Variants in FGD4 observed in about 807,000 individuals in gnomAD.
FGD4 encodes the protein FYVE, RhoGEF and PH domain containing 4, also known as FYVE, RhoGEF and PH domain-containing protein 4.
FGD4 carries 42 observed loss-of-function variants against 102.0 expected under a neutral mutation model. The observed-to-expected ratio is 0.41, with a 90% CI of 0.32 to 0.53. FGD4 has a LOEUF of 0.53. Among genes scored for constraint, FGD4 ranks in the 20% least tolerant of loss-of-function variants. The probability of loss-of-function intolerance (pLI) is 0.21; values close to 1 mark genes in which losing one functional copy is unlikely to be tolerated. For synonymous variants in FGD4, 380 were observed against 375.7 expected, an observed-to-expected ratio of 1.01 and a Z score of -0.13; for missense variants, 902 against 1,078.2, an observed-to-expected ratio of 0.84 and a Z score of 2.29.
intron 1 of FGD4, among the ~76,000 whole-genome samples, chr12:32,530,944 T>G (rs1437126232): frequency 1.8e-5 from 2 of 110,510 alleles, no homozygotes; most frequent in East Asian, 5.1e-4. Context: ...AGCTTTGGTT[T>G]TTTTTTTTTT....
At chr12:32,453,233 ATATATTTTTTT>A (rs1942855913) in intron 1 of FGD4, among the ~76,000 whole-genome samples, 1 of 62,060 alleles carries the variant, frequency 1.6e-5, no homozygotes, top group Non-Finnish European at 3.1e-5. Context: ...ATAGATATAT[ATATATTTTTTT>A]TTTTTTAAAT....
chr12:32,448,827 A>C (rs1352868798), intron 1 of FGD4, among the ~76,000 whole-genome samples: 2 of 152,156 alleles, frequency 1.3e-5, no homozygotes, highest in Non-Finnish European at 2.9e-5. Context: ...GAGGGAGTGC[A>C]AGGTAAAACT....
chr12:32,620,720 C>T (rs1292670659), intron 11 of FGD4, among the ~76,000 whole-genome samples: 2 of 104,552 alleles, frequency 1.9e-5, no homozygotes, highest in South Asian at 5.9e-4. Context: ...TTTTTTGAGA[C>T]GGAGTCTCGC....
chr12:32,507,067 T>G (rs1938834319), intron 1 of FGD4, among the ~76,000 whole-genome samples: 1 of 145,610 alleles, frequency 6.9e-6, no homozygotes, highest in African/African-American at 2.5e-5. Flanking sequence ...CTCCTAAAGC[T>G]ATCCCTCCCC....
chr12:32,471,584 T>C (rs1943415971), intron 1 of FGD4, among the ~76,000 whole-genome samples: 1 of 152,350 alleles, frequency 6.6e-6, no homozygotes, highest in East Asian at 1.9e-4. Flanking sequence ...TATTGCAGTG[T>C]AATAAACTAC....
chr12:32,536,281 A>G (rs1942251557), intron 1 of FGD4, among the ~76,000 whole-genome samples: 1 of 152,238 alleles, frequency 6.6e-6, no homozygotes, highest in South Asian at 2.1e-4. Flanking sequence ...CCTAAACTGC[A>G]AACTAGGATT....
chr12:32,453,450 T>C (rs1942866767), intron 1 of FGD4, among the ~76,000 whole-genome samples: 1 of 151,722 alleles, frequency 6.6e-6, no homozygotes, highest in Non-Finnish European at 1.5e-5. Context: ...GCCAGACTGG[T>C]GTCGAACTCC....
At chr12:32,540,667 G>A (rs1457799816) in intron 1 of FGD4, among the ~76,000 whole-genome samples, 1 of 151,480 alleles carries the variant, frequency 6.6e-6, no homozygotes, top group Non-Finnish European at 1.5e-5. Context: ...CCAGGTTCAA[G>A]CAATTCTCCT....
chr12:32,436,024 G>A (rs913341296), intron 1 of FGD4, among the ~76,000 whole-genome samples: 2 of 152,156 alleles, frequency 1.3e-5, no homozygotes, highest in East Asian at 1.9e-4. Context: ...TCAACGGAAG[G>A]ACATATCTGC....
intron 1 of FGD4, among the ~76,000 whole-genome samples, chr12:32,431,664 T>G (rs1942049739): frequency 6.6e-6 from 1 of 151,992 alleles, no homozygotes; most frequent in Non-Finnish European, 1.5e-5. Context: ...ATCCTGGCAC[T>G]TGGGAGGCTG....
intron 14 of FGD4, among the ~76,000 whole-genome samples, chr12:32,630,283 T>C (rs1430964339): frequency 1.3e-5 from 2 of 152,212 alleles, no homozygotes; most frequent in Non-Finnish European, 2.9e-5. Context: ...AGTATCTACC[T>C]AGACTGTCAT....
chr12:32,474,081 C>CT (rs1181877027), intron 1 of FGD4, among the ~76,000 whole-genome samples: 3 of 149,468 alleles, frequency 2.0e-5, no homozygotes, highest in South Asian at 4.3e-4. Context: ...GTGCGAGACT[C>CT]TGTCTCAAAA....
At chr12:32,481,591 G>A (rs1197969115) in intron 1 of FGD4, among the ~76,000 whole-genome samples, 1 of 152,202 alleles carries the variant, frequency 6.6e-6, no homozygotes, top group Non-Finnish European at 1.5e-5. Context: ...GGGAAGCTGA[G>A]GCGGGTGGAT....
intron 7 of FGD4, among the ~76,000 whole-genome samples, chr12:32,604,252 C>T (rs1457876501): frequency 2.0e-5 from 3 of 151,664 alleles, no homozygotes; most frequent in African/African-American, 7.3e-5. Flanking sequence ...TTTTTTTAAT[C>T]ATTTTCAGAA....
intron 1 of FGD4, among the ~76,000 whole-genome samples, chr12:32,433,978 C>T (rs1188731415): frequency 6.6e-6 from 1 of 152,048 alleles, no homozygotes; most frequent in East Asian, 1.9e-4. Context: ...GCCTCAGCCT[C>T]CCGAGTAGCT....
chr12:32,539,177 C>G (rs1280289257), intron 1 of FGD4, among the ~76,000 whole-genome samples: 1 of 152,122 alleles, frequency 6.6e-6, no homozygotes, highest in Non-Finnish European at 1.5e-5. Flanking sequence ...CTTTGAAGCA[C>G]TCTTGTAGGA....
intron 2 of FGD4, among the ~76,000 whole-genome samples, chr12:32,570,600 C>G (rs1156348144): frequency 1.3e-5 from 2 of 152,120 alleles, no homozygotes; most frequent in East Asian, 3.9e-4. Context: ...TGCCACCACG[C>G]CCGGCTAATT....
chr12:32,553,925 A>G (rs1380579318), intron 1 of FGD4, among the ~76,000 whole-genome samples: 2 of 151,940 alleles, frequency 1.3e-5, no homozygotes, highest in Non-Finnish European at 2.9e-5. Context: ...GGCAACAGAA[A>G]CCCCAATTTT....
At chr12:32,505,737 T>G (rs1345556595) in intron 1 of FGD4, among the ~76,000 whole-genome samples, 1 of 152,186 alleles carries the variant, frequency 6.6e-6, no homozygotes, top group South Asian at 2.1e-4. Flanking sequence ...GTACGGCTAA[T>G]TGTTCTTTTG....
Sources: gnomAD v4.1 joint callset for allele counts (sites outside exome capture counted in the v4.1 genomes callset) on GRCh38, gnomAD v4.1.1 for gene constraint, MANE v1.5 for transcripts, NCBI Gene and HGNC (gene_info 2026-07-23, HGNC 2026-07-21) for gene names.